Variants in DHRS7B observed in about 807,000 individuals in gnomAD.
DHRS7B encodes the protein dehydrogenase/reductase 7B, also known as peroxisomal reductase activating PPAR-gamma.
In DHRS7B, 24 loss-of-function variants were observed where a neutral mutation model predicts 26.4. The ratio of observed to expected loss-of-function variants is 0.91; its 90% CI spans 0.66 to 1.28. The LOEUF is 1.28. DHRS7B is among the 50% of genes most tolerant of loss of function. The probability of loss-of-function intolerance (pLI) is 0.00; values close to 1 mark genes in which losing one functional copy is unlikely to be tolerated. For synonymous variants in DHRS7B, 142 were observed against 166.4 expected (o/e 0.85, Z 1.13); for missense variants, 368 against 419.4 (o/e 0.88, Z 1.07).
chr17:21,163,295 G>C (rs1974041098), intron 1 of DHRS7B, among the ~76,000 whole-genome samples: 1 of 152,108 alleles, frequency 6.6e-6, no homozygotes, highest in Non-Finnish European at 1.5e-5. Flanking sequence ...GGACACTAGG[G>C]GGACATTTAC....
At chr17:21,179,808 C>G (rs551176620) in intron 3 of DHRS7B, among the ~76,000 whole-genome samples, 40 of 148,926 alleles carry the variant, frequency 2.7e-4, no homozygotes, top group African/African-American at 9.5e-4. Flanking sequence ...CTCTTGTTGC[C>G]GAGGCTGGAG....
rs560973411 is a variant in DHRS7B at position 21,189,522 on chromosome 17, C to G, written c.772+659C>G. On this transcript the variant is annotated intron_variant, in intron 6 of 6. Coordinates refer to ENST00000395511, the MANE Select transcript of DHRS7B (RefSeq NM_015510.5). ...GGCCTGCTCACCCCTCCAGTGCTGT[C>G]CTGCCATGTCCTCCTCCCTGAAGTG... Among the ~76,000 whole-genome samples, 7 of 152,348 alleles carry G rather than the reference C, an allele frequency of 4.6e-5. No individual in the cohort carries two copies. In the East Asian group the frequency reaches 1.4e-3, roughly 29 times the overall value.
At chr17:21,138,157 C>T (rs1382611235) in intron 1 of DHRS7B, among the ~76,000 whole-genome samples, 1 of 139,270 alleles carries the variant, frequency 7.2e-6, no homozygotes, top group East Asian at 2.0e-4. Context: ...CTTATACTGA[C>T]CATTCGTGAC....
intron 3 of DHRS7B, among the ~76,000 whole-genome samples, chr17:21,178,784 G>T (rs1157461464): frequency 1.3e-5 from 2 of 151,420 alleles, no homozygotes; most frequent in African/African-American, 4.9e-5. Context: ...TCAGCCTCCT[G>T]AGTAGCTGGG....
At chr17:21,168,650 CGAG>C (rs1336504412) in intron 1 of DHRS7B, 1 of 907,384 alleles carries the variant, frequency 1.1e-6, no homozygotes, top group Non-Finnish European at 1.3e-6. Flanking sequence ...ATTACAGGCG[CGAG>C]GCACTGCGTT....
chr17:21,168,632 G>A (rs575017675), intron 1 of DHRS7B: 1 of 787,344 alleles, frequency 1.3e-6, no homozygotes, highest in Admixed American at 6.2e-5. Context: ...GCCTCCCAAA[G>A]TGCTGGAATT....
At chr17:21,161,169 A>C (rs891138928) in intron 1 of DHRS7B, among the ~76,000 whole-genome samples, 3 of 152,210 alleles carry the variant, frequency 2.0e-5, no homozygotes, top group Non-Finnish European at 4.4e-5. Context: ...AATGCATAGC[A>C]CTGAGAGTGG....
chr17:21,170,519 T>C (rs1223229744), intron 1 of DHRS7B, among the ~76,000 whole-genome samples: 1 of 152,134 alleles, frequency 6.6e-6, no homozygotes, highest in Non-Finnish European at 1.5e-5. Context: ...ATGCAGCAGA[T>C]AGTAGCTGAG....
chr17:21,188,125 C>T (rs951945199), intron 5 of DHRS7B, among the ~76,000 whole-genome samples: 1 of 152,154 alleles, frequency 6.6e-6, no homozygotes, highest in Non-Finnish European at 1.5e-5. Context: ...GCTGGGATTA[C>T]AGGTGTGAGC....
At chr17:21,144,721 G>A (rs1486783694) in intron 1 of DHRS7B, among the ~76,000 whole-genome samples, 1 of 152,158 alleles carries the variant, frequency 6.6e-6, no homozygotes, top group African/African-American at 2.4e-5. Context: ...GGGAAGCTGA[G>A]GCAGAGGAAC....
chr17:21,190,600 C>A (rs928934303), intron 6 of DHRS7B, among the ~76,000 whole-genome samples: 7 of 152,252 alleles, frequency 4.6e-5, no homozygotes, highest in African/African-American at 1.7e-4. Context: ...GAGGGGGTCA[C>A]TCTGAAGCCC....
intron 1 of DHRS7B, chr17:21,166,419 A>G (rs919897248): frequency 4.2e-5 from 41 of 985,220 alleles, no homozygotes; most frequent in African/African-American, 7.0e-5. Context: ...TCAAAAGACC[A>G]GAGAAGACAC....
chr17:21,158,074 C>A (rs546835975), intron 1 of DHRS7B, among the ~76,000 whole-genome samples: 1 of 152,192 alleles, frequency 6.6e-6, no homozygotes, highest in South Asian at 2.1e-4. Context: ...AAACTCTCAG[C>A]AAATCGGAGT....
intron 2 of DHRS7B, among the ~76,000 whole-genome samples, chr17:21,177,028 A>C (rs1180845324): frequency 6.6e-6 from 1 of 152,080 alleles, no homozygotes; most frequent in Non-Finnish European, 1.5e-5. Flanking sequence ...CTCATAGAGT[A>C]GTCCTCCACC....
rs549541856 is a variant in DHRS7B at position 21,171,404 on chromosome 17, C to T, written c.21-614C>T. ...ACAGCGGGGCAGCACGCTCACCGGC[C>T]GGAGCCCATGCTGGTGCTTGGGGCA... On this transcript the variant is annotated intron_variant, in intron 1 of 6. Coordinates refer to ENST00000395511, the MANE Select transcript of DHRS7B (RefSeq NM_015510.5). 3.7e-4 allele frequency among the ~76,000 whole-genome samples: 56 copies of T among 152,348 alleles called. No individual in the cohort carries two copies. In the South Asian group the frequency reaches 7.5e-3, roughly 20 times the overall value.
chr17:21,147,768 G>A (rs1973673105), intron 1 of DHRS7B, among the ~76,000 whole-genome samples: 1 of 152,218 alleles, frequency 6.6e-6, no homozygotes, highest in Non-Finnish European at 1.5e-5. Context: ...GACAGGCAGA[G>A]ACAAAGGTGG....
At chr17:21,145,565 TAAA>T (rs2143958212) in intron 1 of DHRS7B, among the ~76,000 whole-genome samples, 1 of 152,328 alleles carries the variant, frequency 6.6e-6, no homozygotes, top group East Asian at 1.9e-4. Flanking sequence ...TAAGGAGAGA[TAAA>T]GAAATTTAAA....
At chr17:21,155,124 A>G (rs969151749) in intron 1 of DHRS7B, among the ~76,000 whole-genome samples, 1 of 152,254 alleles carries the variant, frequency 6.6e-6, no homozygotes, top group Non-Finnish European at 1.5e-5. Context: ...TATGGTAGCT[A>G]TTAATCCAGC....
At chr17:21,149,847 A>G (rs1420385578) in intron 1 of DHRS7B, among the ~76,000 whole-genome samples, 1 of 152,226 alleles carries the variant, frequency 6.6e-6, no homozygotes, top group Non-Finnish European at 1.5e-5. Flanking sequence ...GAAGACCAGA[A>G]GAAAGGAAGA....
Sources: allele counts gnomAD v4.1 joint callset (sites outside exome capture counted in the v4.1 genomes callset), GRCh38; gene constraint gnomAD v4.1.1; transcripts MANE v1.5; gene names NCBI Gene and HGNC (gene_info 2026-07-23, HGNC 2026-07-21).